The following IGF2BP1 variants were observed in gnomAD, a reference collection of about 807,000 sequenced individuals.
IGF2BP1 encodes the protein insulin-like growth factor 2 mRNA-binding protein 1.
A neutral mutation model predicts 74.9 loss-of-function variants in IGF2BP1; 11 were observed. That is an observed-to-expected ratio of 0.15 (90% CI 0.09 to 0.24). The LOEUF is 0.24. IGF2BP1 is among the 10% of genes least tolerant of loss of function. IGF2BP1 has a pLI of 1.00. For synonymous variants in IGF2BP1, 287 were observed against 281.8 expected (o/e 1.02, Z -0.18); for missense variants, 440 against 757.4 (o/e 0.58, Z 4.92).
chr17:49,016,418 C>CGT lies in IGF2BP1; in HGVS notation c.237-9184_237-9183dup, dbSNP rs59845226. Among the ~76,000 whole-genome samples, 1,059 of 150,942 alleles carry CGT rather than the reference C, an allele frequency of 7.0e-3. 13 individuals are homozygous for CGT. The highest frequency in any genetic ancestry group is 0.022 in the African/African-American group (923 of 41,206). ...TGTGTATTGTGTGTGTGCGTGCGCA[C>CGT]GTGTGTGTGTGTGTGTGGGATCATA... On this transcript the variant is annotated intron_variant, in intron 2 of 14. Coordinates refer to ENST00000290341, the MANE Select transcript of IGF2BP1 (RefSeq NM_006546.4).
chr17:49,020,765 G>GT (rs1300213613), intron 2 of IGF2BP1, among the ~76,000 whole-genome samples: 1 of 152,056 alleles, frequency 6.6e-6, no homozygotes, highest in Non-Finnish European at 1.5e-5. Context: ...TTCCAGCAGC[G>GT]TATTTCCATA....
upstream of IGF2BP1, among the ~76,000 whole-genome samples, chr17:48,996,822 C>A (rs1472785887): frequency 1.3e-5 from 2 of 152,182 alleles, no homozygotes; most frequent in Admixed American, 6.5e-5. Context: ...GTCCTGCATC[C>A]CCGGAGGCGG....
intron 2 of IGF2BP1, among the ~76,000 whole-genome samples, chr17:49,023,604 G>T (rs2041817488): frequency 6.6e-6 from 1 of 152,096 alleles, no homozygotes; most frequent in Non-Finnish European, 1.5e-5. Flanking sequence ...TGTCCCCATT[G>T]CATGTCAGGT....
At chr17:49,026,554 G>A (rs1446511622) in intron 4 of IGF2BP1, 37 bp downstream of exon 4, 1 of 1,569,320 alleles carries the variant, frequency 6.4e-7, no homozygotes, top group South Asian at 1.1e-5. Context: ...CACTCGTGGT[G>A]GGGGTTGGAG....
At position 49,046,028 on chromosome 17, in the gene IGF2BP1, T is replaced by G. The variant is rs780228436; in HGVS notation, c.1527+7T>G. 1.2e-5 allele frequency: 20 copies of G among 1,613,742 alleles called. No homozygotes were observed. Among genetic ancestry groups the G allele is most frequent in the Non-Finnish European group, 1.6e-5 (19 of 1,179,894 alleles). Reference sequence around the variant, plus strand: ...TGGCAAAGGTGGAAAAACGGTGAGCTGTGAGGGCCAGGTTGAAAGCCCTGG... The same window carrying G: ...TGGCAAAGGTGGAAAAACGGTGAGCGGTGAGGGCCAGGTTGAAAGCCCTGG... On this transcript the variant is annotated splice_region_variant and intron_variant, in intron 13 of 14. Coordinates refer to ENST00000290341, the MANE Select transcript of IGF2BP1 (RefSeq NM_006546.4).
chr17:48,999,769 T>C (rs2041462413), intron 2 of IGF2BP1, among the ~76,000 whole-genome samples: 1 of 151,944 alleles, frequency 6.6e-6, no homozygotes, highest in Non-Finnish European at 1.5e-5. Context: ...AGCTGGATTT[T>C]CCAAAGAATA....
chr17:49,039,792 A>T (rs747834021), intron 6 of IGF2BP1, among the ~76,000 whole-genome samples, 165 bp from the exon 7 acceptor site: 5 of 152,132 alleles, frequency 3.3e-5, no homozygotes, highest in Non-Finnish European at 4.4e-5. Flanking sequence ...GACGGGTCAT[A>T]TTTCTCCAGT....
At chr17:49,000,222 C>G (rs956953999) in intron 2 of IGF2BP1, among the ~76,000 whole-genome samples, 1 of 152,104 alleles carries the variant, frequency 6.6e-6, no homozygotes, top group Non-Finnish European at 1.5e-5. Context: ...TCCTCACCCC[C>G]CATTTCAGCT....
rs888607366 is a variant in IGF2BP1 at position 49,054,350 on chromosome 17, G to A, written c.*4906G>A. The A allele has an allele frequency of 6.5e-5, 10 of 152,684 alleles. No individual in the cohort carries two copies. The highest frequency in any genetic ancestry group is 2.0e-4 in the Admixed American group (3 of 15,292). The allele number at this position is 152,684 out of a possible 1,614,324, so 9.5% of individuals were successfully genotyped here. On this transcript the variant is annotated 3_prime_UTR_variant, in exon 15 of 15. Coordinates refer to ENST00000290341, the MANE Select transcript of IGF2BP1 (RefSeq NM_006546.4). Reference sequence around the variant, plus strand: ...ATTAACCGCAGGTGATGGATGCTACGAGTATAAATGGATTAACTACCTCAA... The same window carrying A: ...ATTAACCGCAGGTGATGGATGCTACAAGTATAAATGGATTAACTACCTCAA...
At chr17:49,030,871 T>G (rs889717490) in intron 4 of IGF2BP1, among the ~76,000 whole-genome samples, 4 of 152,042 alleles carry the variant, frequency 2.6e-5, no homozygotes, top group Non-Finnish European at 5.9e-5. Flanking sequence ...TCAGGTGATC[T>G]ACCCGCCTTG....
chr17:49,014,573 C>G (rs1034028032), intron 2 of IGF2BP1, among the ~76,000 whole-genome samples: 1 of 151,924 alleles, frequency 6.6e-6, no homozygotes, highest in Non-Finnish European at 1.5e-5. Flanking sequence ...AGGAGGGCCA[C>G]GTTGGGGCCC....
At chr17:49,009,710 A>T (rs527997173) in intron 2 of IGF2BP1, among the ~76,000 whole-genome samples, 3 of 140,166 alleles carry the variant, frequency 2.1e-5, no homozygotes, top group African/African-American at 7.7e-5. Flanking sequence ...ACTCCATCTT[A>T]AAAAAAAAAA....
At chr17:49,011,702 C>T (rs896948290) in intron 2 of IGF2BP1, among the ~76,000 whole-genome samples, 3 of 149,986 alleles carry the variant, frequency 2.0e-5, no homozygotes, top group Non-Finnish European at 4.4e-5. Flanking sequence ...AAAAAAAAAA[C>T]GTTGGGAACA....
At chr17:49,002,766 T>G (rs1016965272) in intron 2 of IGF2BP1, among the ~76,000 whole-genome samples, 6 of 152,162 alleles carry the variant, frequency 3.9e-5, no homozygotes, top group African/African-American at 1.4e-4. Context: ...TGTGCACTGT[T>G]TGGAGGAAAG....
At chr17:49,035,951 C>G (rs1412997939) in intron 5 of IGF2BP1, among the ~76,000 whole-genome samples, 2 of 152,292 alleles carry the variant, frequency 1.3e-5, no homozygotes, top group South Asian at 4.1e-4. Flanking sequence ...GGAGTGGAGG[C>G]CGCGGCTCCA....
intron 8 of IGF2BP1, among the ~76,000 whole-genome samples, chr17:49,041,742 A>G (rs1422646759): frequency 6.6e-6 from 1 of 152,146 alleles, no homozygotes; most frequent in Non-Finnish European, 1.5e-5. Flanking sequence ...TCCACGTCCA[A>G]CCACTTCACA....
intron 10 of IGF2BP1, 87 bp from the exon 11 acceptor site, chr17:49,043,880 C>T (rs1275669542): frequency 3.2e-6 from 5 of 1,548,668 alleles, no homozygotes; most frequent in Non-Finnish European, 4.4e-6. Flanking sequence ...GTACTCCTTC[C>T]TCCTTGAGGA....
At chr17:49,033,094 C>T (rs2041944294) in intron 5 of IGF2BP1, among the ~76,000 whole-genome samples, 1 of 152,114 alleles carries the variant, frequency 6.6e-6, no homozygotes, top group African/African-American at 2.4e-5. Flanking sequence ...TTACAAGCTT[C>T]AGCCACCTCG....
At chr17:49,028,016 A>C (rs2041879155) in intron 4 of IGF2BP1, among the ~76,000 whole-genome samples, 1 of 151,896 alleles carries the variant, frequency 6.6e-6, no homozygotes, top group South Asian at 2.1e-4. Context: ...ACAAAAAATT[A>C]GCTGGGAGTG....
Sources: gnomAD v4.1 joint callset for allele counts (sites outside exome capture counted in the v4.1 genomes callset) on GRCh38, gnomAD v4.1.1 for gene constraint, MANE v1.5 for transcripts, NCBI Gene and HGNC (gene_info 2026-07-23, HGNC 2026-07-21) for gene names.